The following CEACAM19 variants were observed in gnomAD, a reference collection of about 807,000 sequenced individuals.
The protein encoded by CEACAM19 is CEA cell adhesion molecule 19.
A neutral mutation model predicts 37.6 loss-of-function variants in CEACAM19; 37 were observed. The ratio of observed to expected loss-of-function variants is 0.98; its 90% CI spans 0.76 to 1.29. The LOEUF (loss-of-function observed/expected upper bound fraction) is 1.29. Ranked by LOEUF, CEACAM19 falls within the 50% of genes most tolerant of loss-of-function variation. The pLI is 0.00. For synonymous variants in CEACAM19, 140 were observed against 149.8 expected (o/e 0.93, Z 0.48); for missense variants, 340 against 375.6 (o/e 0.91, Z 0.78).
chr19:44,666,729 G>A (rs1973721331), upstream of CEACAM19, among the ~76,000 whole-genome samples: 1 of 151,430 alleles, frequency 6.6e-6, no homozygotes, highest in African/African-American at 2.5e-5. Context: ...AGGCATTAAG[G>A]AACATTGAGG....
upstream of CEACAM19, among the ~76,000 whole-genome samples, chr19:44,668,684 T>C (rs1281153746): frequency 2.9e-5 from 2 of 69,560 alleles, no homozygotes; most frequent in East Asian, 3.6e-4. Flanking sequence ...TATTATATAT[T>C]ATAATATATT....
chr19:44,676,653 C>T (rs1213867448), intron 3 of CEACAM19, among the ~76,000 whole-genome samples: 9 of 152,164 alleles, frequency 5.9e-5, no homozygotes, highest in Admixed American at 4.6e-4. Flanking sequence ...GTCAGGGTCT[C>T]GCTCTGTCAC....
At chr19:44,680,457 C>G in intron 5 of CEACAM19, 123 bp downstream of exon 5, 1 of 893,158 alleles carries the variant, frequency 1.1e-6, no homozygotes, top group Non-Finnish European at 1.8e-6. Context: ...TGCCCCGAGA[C>G]CTCTCTGGGG....
chr19:44,680,415 T>C, intron 5 of CEACAM19, 81 bp downstream of exon 5: 1 of 1,314,034 alleles, frequency 7.6e-7, no homozygotes, highest in Non-Finnish European at 1.1e-6. Flanking sequence ...AGCCCGCTTA[T>C]TCTCCCTCAC....
At chr19:44,673,242 C>G (rs1252070307) in intron 2 of CEACAM19, among the ~76,000 whole-genome samples, 1 of 152,176 alleles carries the variant, frequency 6.6e-6, no homozygotes, top group Non-Finnish European at 1.5e-5. Context: ...AAATTTTTAT[C>G]GAGCACTTAC....
intron 5 of CEACAM19, among the ~76,000 whole-genome samples, chr19:44,680,827 C>G (rs7250383): frequency 0.011 from 1,614 of 152,318 alleles, 27 homozygotes; most frequent in African/African-American, 0.037. Flanking sequence ...ACAGCTGGCT[C>G]TCTCACCAGA....
chr19:44,675,185 T>G (rs557096651), intron 2 of CEACAM19, among the ~76,000 whole-genome samples: 5 of 151,460 alleles, frequency 3.3e-5, no homozygotes, highest in Non-Finnish European at 7.4e-5. Flanking sequence ...CATATTATCC[T>G]CATTTCACAG....
rs555604876 is a variant in CEACAM19, at chr19:44,679,674, G to A, written c.660-614G>A. On this transcript the variant is annotated intron_variant, in intron 4 of 7. Coordinates refer to ENST00000358777, the MANE Select transcript of CEACAM19 (RefSeq NM_001127893.3). Reference sequence around the variant, plus strand: ...TGAGGCAGGAGAATGGCATGAACCCGGGAGGCGGAGCTTTTAGTGAGCCGA... The same window carrying A: ...TGAGGCAGGAGAATGGCATGAACCCAGGAGGCGGAGCTTTTAGTGAGCCGA... Among the ~76,000 whole-genome samples the A allele has an allele frequency of 2.1e-4, 32 of 152,000 alleles. No individual in the cohort carries two copies. In the East Asian group the frequency reaches 3.9e-3, roughly 18 times the overall value.
rs1339097204 is a variant in CEACAM19, at chr19:44,675,106, G to GTGTGTA, written c.425-1160_425-1159insATGTGT. On this transcript the variant is annotated intron_variant, in intron 2 of 7. Coordinates refer to ENST00000358777, the MANE Select transcript of CEACAM19 (RefSeq NM_001127893.3). ...ATCATTCAGAGAACAGCGTGTGTGT[G>GTGTGTA]TGTGTGTGTGTGTGTGTGTGTGTGT... Among the ~76,000 whole-genome samples, 283 of 149,380 alleles carry GTGTGTA rather than the reference G, an allele frequency of 1.9e-3. 1 individual carries two copies. Among genetic ancestry groups the GTGTGTA allele is most frequent in the African/African-American group, 6.8e-3 (278 of 41,036 alleles).
At chr19:44,676,020 A>G (rs1172161026) in intron 2 of CEACAM19, among the ~76,000 whole-genome samples, 1 of 151,540 alleles carries the variant, frequency 6.6e-6, no homozygotes, top group Non-Finnish European at 1.5e-5. Flanking sequence ...ATCCTCCCCC[A>G]TCGGCCTCCC....
chr19:44,673,899 T>A (rs1397297256), intron 2 of CEACAM19: 1 of 152,110 alleles, frequency 6.6e-6, no homozygotes, highest in Non-Finnish European at 1.5e-5. Context: ...AGGACACAGA[T>A]CCCCTTAGAA....
At chr19:44,673,326 TCGGG>T (rs1295101336) in intron 2 of CEACAM19, among the ~76,000 whole-genome samples, 1 of 152,156 alleles carries the variant, frequency 6.6e-6, no homozygotes, top group Non-Finnish European at 1.5e-5. Context: ...ATGAATCCAC[TCGGG>T]GCAAAGTGTG....
Position 44,682,610 on chromosome 19 carries a change from A to C in CEACAM19, c.836A>C (p.His279Pro), listed in dbSNP as rs1431203535. 29 of 1,603,640 alleles carry C rather than the reference A, an allele frequency of 1.8e-5. No homozygotes were observed. Among genetic ancestry groups the C allele is most frequent in the Non-Finnish European group, 2.5e-5 (29 of 1,175,408 alleles). The change falls in exon 7 of 8, where the codon CAC becomes CCC. Residue 279 changes from histidine to proline, a missense_variant. By Grantham distance (77) the His-to-Pro change is moderately conservative (BLOSUM62 -2). Coordinates refer to ENST00000358777, the MANE Select transcript of CEACAM19 (RefSeq NM_001127893.3). ...CACCTGCAGGCGGAGCCAGAGAACC[A>C]CCAGTACCAGGTATGGAGCTGGGAG... ...PPHLQAEPEN[H>P]QYQDLLNPDP... is the part of the protein sequence containing the mutation.
intron 3 of CEACAM19, chr19:44,677,488 C>G (rs1346067132): frequency 1.3e-5 from 2 of 151,986 alleles, no homozygotes; most frequent in Admixed American, 1.3e-4. Flanking sequence ...AGTCCTGTTT[C>G]CCCCAGGGAG....
At chr19:44,675,721 G>A (rs996218130) in intron 2 of CEACAM19, among the ~76,000 whole-genome samples, 2 of 151,980 alleles carry the variant, frequency 1.3e-5, no homozygotes, top group African/African-American at 4.8e-5. Context: ...AGGAGTTGGA[G>A]GCTGCAGTGA....
At position 44,678,841 on chromosome 19, in the gene CEACAM19, T is replaced by C; in HGVS notation, c.576-12T>C. 6.2e-7 allele frequency: 1 copy of C among 1,612,748 alleles called. No individual in the cohort carries two copies. The highest frequency in any genetic ancestry group is 8.5e-7 in the Non-Finnish European group (1 of 1,179,396). ...TTTATTCCAATTTTCTTCCCCTCTCTTTCCACCCTAGACTGCCTGCTCCGA... is the reference window on the plus strand; with the variant it reads ...TTTATTCCAATTTTCTTCCCCTCTCCTTCCACCCTAGACTGCCTGCTCCGA... On this transcript the variant is annotated splice_polypyrimidine_tract_variant and intron_variant, in intron 3 of 7. Coordinates refer to ENST00000358777, the MANE Select transcript of CEACAM19 (RefSeq NM_001127893.3).
At position 44,675,104 on chromosome 19, in the gene CEACAM19, G is replaced by GTGTGTGTA. The variant is rs1226509147; in HGVS notation, c.425-1160_425-1159insATGTGTGT. ...GGATCATTCAGAGAACAGCGTGTGT[G>GTGTGTGTA]TGTGTGTGTGTGTGTGTGTGTGTGT... On this transcript the variant is annotated intron_variant, in intron 2 of 7. Transcript: ENST00000358777. Among the ~76,000 whole-genome samples, 819 of 140,224 alleles carry GTGTGTGTA rather than the reference G, an allele frequency of 5.8e-3. 11 individuals carry two copies. Among genetic ancestry groups the GTGTGTGTA allele is most frequent in the African/African-American group, 0.021 (784 of 36,526 alleles). The allele number at this position is 140,224 out of a possible 152,430, so 92.0% of individuals were successfully genotyped here. A position where few individuals can be genotyped will look rare whatever the true frequency, so the allele number is the denominator to read the frequency against.
At chr19:44,683,080 C>G (rs1008517466) in intron 7 of CEACAM19, 5 of 257,438 alleles carry the variant, frequency 1.9e-5, no homozygotes, top group Admixed American at 1.6e-4. Flanking sequence ...CTCTCTCTCT[C>G]TCTCAGTTTC....
At chr19:44,668,822 T>A (rs1368239179), upstream of CEACAM19, among the ~76,000 whole-genome samples, 15 of 93,286 alleles carry the variant, frequency 1.6e-4, no homozygotes, top group Non-Finnish European at 3.2e-4. Flanking sequence ...ATATATATAT[T>A]CAGTTTTTTT....
Sources: allele counts gnomAD v4.1 joint callset (sites outside exome capture counted in the v4.1 genomes callset), GRCh38; gene constraint gnomAD v4.1.1; transcripts MANE v1.5; gene names NCBI Gene and HGNC (gene_info 2026-07-23, HGNC 2026-07-21).